AKAP6: variants seen among roughly 807,000 people sequenced by gnomAD.
AKAP6 encodes the protein A-kinase anchoring protein 6, also known as A-kinase anchor protein 6.
A neutral mutation model predicts 188.5 loss-of-function variants in AKAP6; 58 were observed. The observed-to-expected ratio is 0.31, with a 90% CI of 0.25 to 0.38. AKAP6 has a LOEUF of 0.38. Ranked by LOEUF, AKAP6 falls within the 10% of genes least tolerant of loss-of-function variation. The pLI, the probability that AKAP6 is intolerant of heterozygous loss-of-function variation, is 1.00. For synonymous variants in AKAP6, 989 were observed against 998.6 expected (o/e 0.99, Z 0.18); for missense variants, 2,710 against 2,740.0 (o/e 0.99, Z 0.24).
At chr14:32,347,131 A>G (rs567186440) in intron 1 of AKAP6, among the ~76,000 whole-genome samples, 1 of 152,354 alleles carries the variant, frequency 6.6e-6, no homozygotes, top group South Asian at 2.1e-4. Context: ...TCTATTTAGG[A>G]TTCTGCATCC....
intron 2 of AKAP6, chr14:32,442,213 G>T (rs1046966505): frequency 1.3e-5 from 2 of 152,186 alleles, no homozygotes; most frequent in African/African-American, 4.8e-5. Flanking sequence ...AAGGTTAAGT[G>T]ATCAACTTGG....
intron 1 of AKAP6, among the ~76,000 whole-genome samples, chr14:32,415,801 A>G (rs1889638212): frequency 6.6e-6 from 1 of 152,106 alleles, no homozygotes; most frequent in Non-Finnish European, 1.5e-5. Context: ...TCTTTTTGTG[A>G]CCATCTTATT....
At chr14:32,514,211 T>C (rs1018502043) in intron 2 of AKAP6, among the ~76,000 whole-genome samples, 2 of 152,204 alleles carry the variant, frequency 1.3e-5, no homozygotes, top group Admixed American at 1.3e-4. Flanking sequence ...TTCAGAACCT[T>C]AACCAAAGGA....
chr14:32,504,514 A>G (rs925508780), intron 2 of AKAP6, among the ~76,000 whole-genome samples: 4 of 152,134 alleles, frequency 2.6e-5, no homozygotes, highest in African/African-American at 4.8e-5. Flanking sequence ...TCCTGAGCTC[A>G]AGTAATCTCC....
At chr14:32,790,931 C>CT (rs2033589036) in intron 12 of AKAP6, among the ~76,000 whole-genome samples, 1 of 152,146 alleles carries the variant, frequency 6.6e-6, no homozygotes, top group African/African-American at 2.4e-5. Flanking sequence ...TTTCATGTCC[C>CT]TGCAAAGGAC....
intron 4 of AKAP6, among the ~76,000 whole-genome samples, chr14:32,558,840 A>G (rs1003454638): frequency 3.9e-5 from 6 of 152,090 alleles, no homozygotes; most frequent in African/African-American, 1.4e-4. Context: ...CTTTCTTCTT[A>G]TGGATACGAC....
At chr14:32,543,375 T>A (rs1487178170) in intron 3 of AKAP6, among the ~76,000 whole-genome samples, 2 of 152,222 alleles carry the variant, frequency 1.3e-5, no homozygotes, top group African/African-American at 4.8e-5. Context: ...ATGACAGGAT[T>A]TCCTTCTTTT....
intron 1 of AKAP6, among the ~76,000 whole-genome samples, chr14:32,340,146 GC>G (rs1404043974): frequency 6.6e-6 from 1 of 151,632 alleles, no homozygotes; most frequent in African/African-American, 2.4e-5. Flanking sequence ...AAAAAGTAAT[GC>G]TGTTAAAATT....
In AKAP6 at chr14:32,824,570, A is replaced by G. The variant is rs372798293; in HGVS notation, c.6757A>G (p.Lys2253Glu). 5 of 1,613,826 alleles carry G rather than the reference A, an allele frequency of 3.1e-6. No individual in the cohort carries two copies. The African/African-American group carries it at 6.7e-5, about 22-fold the overall frequency. Residue 2253 changes from lysine (K) to glutamate (E), a missense_variant, in exon 13 of 14, where the codon AAG (lysine) becomes GAG (glutamate). By Grantham distance (56) the Lys-to-Glu change is moderately conservative. Coordinates refer to ENST00000280979, the MANE Select transcript of AKAP6 (RefSeq NM_004274.5). Reference protein sequence around the residue: ...EFTPSKLDSEKESSGKPGESG... With the variant: ...EFTPSKLDSEEESSGKPGESG... ...TACTCCTTCAAAGCTTGACAGTGAA[A>G]AGGAAAGTTCCGGAAAACCAGGTGA...
At chr14:32,432,636 C>A (rs1397651729) in intron 1 of AKAP6, among the ~76,000 whole-genome samples, 1 of 152,106 alleles carries the variant, frequency 6.6e-6, no homozygotes, top group Non-Finnish European at 1.5e-5. Context: ...ATTTAACTAA[C>A]AAATCATAGA....
At chr14:32,695,462 T>C (rs1890364673) in intron 8 of AKAP6, among the ~76,000 whole-genome samples, 1 of 152,212 alleles carries the variant, frequency 6.6e-6, no homozygotes, top group Non-Finnish European at 1.5e-5. Flanking sequence ...TATATCAATA[T>C]ATTTGGAGCT....
At chr14:32,659,362 G>C (rs1015317994) in intron 7 of AKAP6, among the ~76,000 whole-genome samples, 1 of 151,992 alleles carries the variant, frequency 6.6e-6, no homozygotes, top group Non-Finnish European at 1.5e-5. Context: ...ATCCTCTTTT[G>C]GTCCTAGATT....
intron 1 of AKAP6, among the ~76,000 whole-genome samples, chr14:32,412,198 T>C (rs530872821): frequency 1.3e-5 from 2 of 152,360 alleles, no homozygotes; most frequent in East Asian, 3.9e-4. Flanking sequence ...AGCTGATTTA[T>C]ATAAAGACTT....
At chr14:32,422,720 G>A (rs1349504914) in intron 1 of AKAP6, among the ~76,000 whole-genome samples, 1 of 151,970 alleles carries the variant, frequency 6.6e-6, no homozygotes, top group African/African-American at 2.4e-5. Context: ...CACTTATCAG[G>A]TATAGTCTAA....
intron 2 of AKAP6, among the ~76,000 whole-genome samples, chr14:32,513,351 G>GA (rs1352462461): frequency 4.6e-5 from 7 of 151,968 alleles, no homozygotes; most frequent in East Asian, 1.9e-4. Flanking sequence ...TAAACTTAAG[G>GA]AAAAAACAAT....
intron 3 of AKAP6, among the ~76,000 whole-genome samples, chr14:32,540,975 G>A (rs1167139274): frequency 2.0e-5 from 3 of 151,868 alleles, no homozygotes; most frequent in Non-Finnish European, 4.4e-5. Flanking sequence ...TACTGCTTGG[G>A]TGATGAGTGC....
chr14:32,577,282 G>A (rs750398666), intron 5 of AKAP6, 40 bp downstream of exon 5: 1 of 1,589,416 alleles, frequency 6.3e-7, no homozygotes, highest in Non-Finnish European at 8.5e-7. Context: ...AATAATCAAA[G>A]GATTTTAATG....
rs374708808 is a variant in AKAP6, at chr14:32,577,109, C to G, written c.2347-11C>G. On this transcript the variant is annotated splice_polypyrimidine_tract_variant and intron_variant, in intron 4 of 13. Coordinates refer to ENST00000280979, the MANE Select transcript of AKAP6 (RefSeq NM_004274.5). ...TGCCCCTTTTTTTCCCCTTTTCTTT[C>G]CTTTCACAAGGGGTTTGTAAACAAA... 1.9e-6 allele frequency: 3 copies of G among 1,595,562 alleles called. No homozygotes were observed. In the African/African-American group the frequency reaches 4.1e-5, roughly 22 times the overall value.
intron 12 of AKAP6, among the ~76,000 whole-genome samples, chr14:32,786,060 C>G (rs1355902840): frequency 6.6e-6 from 1 of 152,046 alleles, no homozygotes; most frequent in Non-Finnish European, 1.5e-5. Context: ...ACTGAGGACA[C>G]CACTGCCATT....
Sources: allele counts gnomAD v4.1 joint callset (sites outside exome capture counted in the v4.1 genomes callset), GRCh38; gene constraint gnomAD v4.1.1; transcripts MANE v1.5; gene names NCBI Gene and HGNC (gene_info 2026-07-23, HGNC 2026-07-21).